The following GULP1 variants were observed in gnomAD, a reference collection of about 807,000 sequenced individuals.
GULP1 encodes the protein PTB domain-containing engulfment adapter protein 1.
A neutral mutation model predicts 40.9 loss-of-function variants in GULP1; 19 were observed. The ratio of observed to expected loss-of-function variants is 0.46; its 90% CI spans 0.32 to 0.68. The LOEUF (loss-of-function observed/expected upper bound fraction) is 0.68. GULP1 is among the 30% of genes least tolerant of loss of function. GULP1 has a pLI of 0.03. For synonymous variants in GULP1, 119 were observed against 117.6 expected (o/e 1.01, Z -0.08); for missense variants, 312 against 362.2 (o/e 0.86, Z 1.12).
At chr2:188,441,271 GA>G (rs1263273302) in intron 2 of GULP1, among the ~76,000 whole-genome samples, 2 of 152,118 alleles carry the variant, frequency 1.3e-5, no homozygotes, top group Non-Finnish European at 2.9e-5. Context: ...CATATAAGTG[GA>G]AACTATATAT....
chr2:188,328,007 C>T (rs2041005323), intron 1 of GULP1, among the ~76,000 whole-genome samples: 5 of 152,050 alleles, frequency 3.3e-5, no homozygotes, highest in Admixed American at 2.0e-4. Context: ...AAAGTACATA[C>T]CAAGAGGTCA....
At chr2:188,351,402 T>C (rs184363798) in intron 1 of GULP1, among the ~76,000 whole-genome samples, 1 of 152,266 alleles carries the variant, frequency 6.6e-6, no homozygotes. Flanking sequence ...CTTCAAACCC[T>C]GTGTTTATAC....
chr2:188,466,287 T>C (rs544824480), intron 2 of GULP1, among the ~76,000 whole-genome samples: 1 of 144,884 alleles, frequency 6.9e-6, no homozygotes, highest in Non-Finnish European at 1.5e-5. Flanking sequence ...TGGCTGGTTT[T>C]TTTTTCCCCC....
intron 1 of GULP1, among the ~76,000 whole-genome samples, chr2:188,340,846 A>G (rs1279137847): frequency 1.3e-5 from 2 of 152,014 alleles, no homozygotes; most frequent in African/African-American, 2.4e-5. Flanking sequence ...GCGGGAAAGT[A>G]TTCTTCCCGT....
At chr2:188,474,529 T>C (rs1465733126) in intron 2 of GULP1, among the ~76,000 whole-genome samples, 2 of 152,134 alleles carry the variant, frequency 1.3e-5, no homozygotes, top group East Asian at 3.9e-4. Flanking sequence ...TAACACTGAG[T>C]TGAACGCCTT....
At chr2:188,366,596 T>C (rs1209030095) in intron 1 of GULP1, among the ~76,000 whole-genome samples, 1 of 143,316 alleles carries the variant, frequency 7.0e-6, no homozygotes, top group Non-Finnish European at 1.5e-5. Flanking sequence ...TTCTTTTTTT[T>C]TTTTTTTTTT....
chr2:188,346,477 C>CTTTT (rs1012591232), intron 1 of GULP1, among the ~76,000 whole-genome samples: 1 of 150,908 alleles, frequency 6.6e-6, no homozygotes, highest in Non-Finnish European at 1.5e-5. Context: ...ACAATAATCT[C>CTTTT]TTTTTTTTTC....
Position 188,327,983 on chromosome 2 carries a change from C to T in GULP1, c.-172+35817C>T, listed in dbSNP as rs147607740. ...CTGCTTCCAAATGATCCTACATGCC[C>T]AGAGTGATGAGTAAAAGTACATACC... On this transcript the variant is annotated intron_variant, in intron 1 of 11. Coordinates refer to ENST00000409830, the MANE Select transcript of GULP1 (RefSeq NM_016315.4). 3.6e-3 allele frequency among the ~76,000 whole-genome samples: 549 copies of T among 152,132 alleles called. 5 individuals are homozygous for T. Among genetic ancestry groups the T allele is most frequent in the African/African-American group, 0.012 (515 of 41,512 alleles).
Position 188,483,465 on chromosome 2 carries a change from A to G in GULP1, c.63A>G (p.Ser21=). 6.6e-7 allele frequency: 1 copy of G among 1,511,366 alleles called. No homozygotes were observed. The highest frequency in any genetic ancestry group is 9.1e-7 in the Non-Finnish European group (1 of 1,094,374). 93.6% of individuals were successfully genotyped at this position (1,511,366 alleles called of 1,614,324 possible). A position where few individuals can be genotyped will look rare whatever the true frequency, so the allele number is the denominator to read the frequency against. Residue 21 remains serine, a synonymous_variant, in exon 4 of 12, where the codon TCA becomes TCG. Transcript: ENST00000409830. ...GGATGCATACACCTGAAGCTTTATC[A>G]AAACATTTCATTCCCTATAATGCAA... ...KTWMHTPEAL[S]KHFIPYNAKF...
chr2:188,354,862 AAC>A (rs2045058395), intron 1 of GULP1, among the ~76,000 whole-genome samples: 1 of 152,200 alleles, frequency 6.6e-6, no homozygotes, highest in Admixed American at 6.6e-5. Flanking sequence ...TTCTCTTCAT[AAC>A]ACAGTAAATT....
chr2:188,580,258 A>G (rs192564803), intron 9 of GULP1, among the ~76,000 whole-genome samples: 1 of 152,374 alleles, frequency 6.6e-6, no homozygotes, highest in East Asian at 1.9e-4. Flanking sequence ...GAGGTGTATT[A>G]CAATGGAGAT....
At chr2:188,445,489 A>C (rs761953709) in intron 2 of GULP1, among the ~76,000 whole-genome samples, 2 of 152,146 alleles carry the variant, frequency 1.3e-5, no homozygotes, top group Non-Finnish European at 2.9e-5. Context: ...GATAAAAATA[A>C]ATATTTTTGA....
intron 7 of GULP1, among the ~76,000 whole-genome samples, chr2:188,560,684 G>C (rs933338319): frequency 1.1e-4 from 16 of 152,230 alleles, no homozygotes; most frequent in African/African-American, 3.9e-4. Context: ...AATTCTACAG[G>C]CTGTACAGGA....
At chr2:188,504,557 G>A (rs1383495152) in intron 4 of GULP1, among the ~76,000 whole-genome samples, 1 of 151,794 alleles carries the variant, frequency 6.6e-6, no homozygotes, top group Admixed American at 6.6e-5. Context: ...AGAGTAATAG[G>A]TATTTCTCCA....
At chr2:188,379,981 C>G (rs2048807280) in intron 1 of GULP1, among the ~76,000 whole-genome samples, 1 of 152,158 alleles carries the variant, frequency 6.6e-6, no homozygotes, top group Non-Finnish European at 1.5e-5. Flanking sequence ...GAACATAGTC[C>G]TTATCACACT....
intron 7 of GULP1, among the ~76,000 whole-genome samples, chr2:188,560,959 C>T (rs561028696): frequency 4.7e-4 from 72 of 152,336 alleles, no homozygotes; most frequent in Admixed American, 9.8e-4. Context: ...TCACCTCCCA[C>T]CAGGTCCCAC....
chr2:188,395,365 G>T (rs1264574903), intron 2 of GULP1, among the ~76,000 whole-genome samples: 1 of 152,218 alleles, frequency 6.6e-6, no homozygotes, highest in Admixed American at 6.5e-5. Context: ...CACCTGTGGG[G>T]ATATAATCCC....
rs2036169574 is a variant in GULP1, at chr2:188,301,731, C to T, written c.-172+9565C>T. On this transcript the variant is annotated intron_variant, in intron 1 of 11. Transcript: ENST00000409830. ...GGGAATGGGTAGAAAAGATTTAGTT[C>T]CACTTAGCAAGGGAACATTGGATGA... Among the ~76,000 whole-genome samples the T allele has an allele frequency of 3.3e-5, 5 of 152,092 alleles. No individual in the cohort carries two copies. In the South Asian group the frequency reaches 1.0e-3, roughly 32 times the overall value.
At chr2:188,470,715 T>G (rs2060519420) in intron 2 of GULP1, among the ~76,000 whole-genome samples, 1 of 152,186 alleles carries the variant, frequency 6.6e-6, no homozygotes, top group African/African-American at 2.4e-5. Context: ...TATATTTGTA[T>G]AGTTTTCAGA....
Sources: gnomAD v4.1 joint callset for allele counts (sites outside exome capture counted in the v4.1 genomes callset) on GRCh38, gnomAD v4.1.1 for gene constraint, MANE v1.5 for transcripts, NCBI Gene and HGNC (gene_info 2026-07-23, HGNC 2026-07-21) for gene names.